TEF: variants seen among roughly 807,000 people sequenced by gnomAD.
TEF encodes thyrotroph embryonic factor.
In TEF, 3 loss-of-function variants were observed where a neutral mutation model predicts 20.8. That is an observed-to-expected ratio of 0.14 (90% CI 0.07 to 0.37). The LOEUF is 0.37. Ranked by LOEUF, TEF falls within the 10% of genes least tolerant of loss-of-function variation. The pLI, the probability that TEF is intolerant of heterozygous loss-of-function variation, is 1.00. For missense variants in TEF, 296 were observed against 397.9 expected, an observed-to-expected ratio of 0.74 and a Z score of 2.18; for synonymous variants, 180 against 171.1, an observed-to-expected ratio of 1.05 and a Z score of -0.41.
rs986879521 is a variant in TEF, at chr22:41,394,212, G to A, written c.592G>A (p.Gly198Arg). Residue 198 changes from glycine to arginine, a missense_variant, in exon 3 of 4, where the codon GGG (glycine) becomes AGG (arginine). By Grantham distance (125) the Gly-to-Arg change is moderately radical. Transcript: ENST00000266304. Reference sequence around the variant, plus strand: ...CCTGGTGCTCTCCAGTGTGCCAGGCGGGGAGCTCTTCAACCCTCGGAAGCA... The same window carrying A: ...CCTGGTGCTCTCCAGTGTGCCAGGCAGGGAGCTCTTCAACCCTCGGAAGCA... ...ADLVLSSVPG[G>R]ELFNPRKHKF... 4.3e-6 allele frequency: 7 copies of A among 1,614,176 alleles called. No homozygotes were observed. The highest frequency in any genetic ancestry group is 5.1e-6 in the Non-Finnish European group (6 of 1,180,034).
At chr22:41,369,189 A>T (rs1438542787) in intron 1 of TEF, 1 of 985,202 alleles carries the variant, frequency 1.0e-6, no homozygotes, top group Non-Finnish European at 1.2e-6. Context: ...AGGCCTTTGA[A>T]GTGTGGCAGC....
chr22:41,389,220 G>A (rs1008312383), intron 2 of TEF, among the ~76,000 whole-genome samples: 12 of 152,060 alleles, frequency 7.9e-5, no homozygotes, highest in Admixed American at 2.6e-4. Context: ...TTAACACGGT[G>A]AAACCCCATC....
At chr22:41,385,633 C>T (rs908936712) in intron 1 of TEF, among the ~76,000 whole-genome samples, 3 of 152,164 alleles carry the variant, frequency 2.0e-5, no homozygotes, top group Non-Finnish European at 2.9e-5. Context: ...CTCCATTTCC[C>T]TCCTTGTAGT....
intron 1 of TEF, among the ~76,000 whole-genome samples, chr22:41,372,754 G>C (rs1459005401): frequency 6.6e-6 from 1 of 152,046 alleles, no homozygotes; most frequent in Non-Finnish European, 1.5e-5. Flanking sequence ...GAGAGAATCT[G>C]CTGTGTTTAG....
At chr22:41,381,111 G>A (rs1448522781), upstream of TEF, among the ~76,000 whole-genome samples, 2 of 152,150 alleles carry the variant, frequency 1.3e-5, no homozygotes, top group African/African-American at 4.8e-5. Context: ...GGATGCGTGG[G>A]CAACCCGACA....
In TEF at chr22:41,396,011, T is replaced by TG; in HGVS notation, c.*56dup. The stretch of plus-strand genomic sequence containing the variant: ...ACTGCCTGCACCTCAGACCTCTGCC[T>TG]GGGGGCTCCCTGTAACCCCTCACAC... On this transcript the variant is annotated 3_prime_UTR_variant, in exon 4 of 4. Transcript: ENST00000266304. 1 of 1,571,916 alleles carries TG rather than the reference T, an allele frequency of 6.4e-7. No homozygotes were observed.
rs969196930 is a variant in TEF, at chr22:41,398,115, C to T, written c.*2155C>T. The T allele has an allele frequency of 3.3e-5, 5 of 151,016 alleles. No individual in the cohort carries two copies. In the East Asian group the frequency reaches 5.8e-4, roughly 18 times the overall value. 9.4% of individuals were successfully genotyped at this position (151,016 alleles called of 1,614,324 possible). A position where few individuals can be genotyped will look rare whatever the true frequency, so the allele number is the denominator to read the frequency against. Reference sequence around the variant, plus strand: ...AAGAGTGTGGCTGCTGGACTCTTTTCGAAATGCCCCTCTGAGTCAGGAGCC... The same window carrying T: ...AAGAGTGTGGCTGCTGGACTCTTTTTGAAATGCCCCTCTGAGTCAGGAGCC... On this transcript the variant is annotated 3_prime_UTR_variant, in exon 4 of 4. Transcript: ENST00000266304.
Position 41,381,979 on chromosome 22 carries a change from A to C in TEF, c.-66A>C. 1 of 1,227,670 alleles carries C rather than the reference A, an allele frequency of 8.1e-7. No individual in the cohort carries two copies. Among genetic ancestry groups the C allele is most frequent in the Non-Finnish European group, 1.0e-6 (1 of 985,716 alleles). 76.0% of individuals were successfully genotyped at this position (1,227,670 alleles called of 1,614,324 possible). A position where few individuals can be genotyped will look rare whatever the true frequency, so the allele number is the denominator to read the frequency against. On this transcript the variant is annotated 5_prime_UTR_variant, in exon 1 of 4. Coordinates refer to ENST00000266304, the MANE Select transcript of TEF (RefSeq NM_003216.4). ...CGTGTCGGCAGCTGCAGCGGGTCGC[A>C]CGGCTCCGGCCCATCTCGGGGGGCG...
upstream of TEF, among the ~76,000 whole-genome samples, chr22:41,379,862 C>A (rs1443476813): frequency 1.4e-5 from 2 of 144,706 alleles, no homozygotes. Flanking sequence ...CATTGCACTC[C>A]AGCCTGGGCA....
At chr22:41,380,793 C>A (rs1005144429), upstream of TEF, among the ~76,000 whole-genome samples, 1 of 152,134 alleles carries the variant, frequency 6.6e-6, no homozygotes, top group Admixed American at 6.5e-5. Flanking sequence ...CCCGGGGAGG[C>A]TTTATATTTT....
chr22:41,395,609 G>T (rs991406401), intron 3 of TEF, 136 bp from the exon 4 acceptor site: 3 of 838,694 alleles, frequency 3.6e-6, no homozygotes, highest in African/African-American at 3.4e-5. Context: ...CCTGGTTTGT[G>T]CTGCTCCCTC....
Position 41,397,538 on chromosome 22 carries a change from A to T in TEF, c.*1578A>T, listed in dbSNP as rs1182627182. The T allele has an allele frequency of 3.2e-5, 5 of 155,056 alleles. No homozygotes were observed. In the East Asian group the frequency reaches 9.4e-4, roughly 29 times the overall value. The allele number at this position is 155,056 out of a possible 1,614,324, so 9.6% of individuals were successfully genotyped here. A position where few individuals can be genotyped will look rare whatever the true frequency, so the allele number is the denominator to read the frequency against. Reference sequence around the variant, plus strand: ...CCCTGACCTCTAAAGACTTTTCATAACAGACGTTAAGACCAAGCCGTGGAC... The same window carrying T: ...CCCTGACCTCTAAAGACTTTTCATATCAGACGTTAAGACCAAGCCGTGGAC... On this transcript the variant is annotated 3_prime_UTR_variant, in exon 4 of 4. Coordinates refer to ENST00000266304, the MANE Select transcript of TEF (RefSeq NM_003216.4).
rs1296415773 is a variant in TEF, at chr22:41,391,576, A to T, written c.476-2520A>T. Among the ~76,000 whole-genome samples, 9 of 150,512 alleles carry T rather than the reference A, an allele frequency of 6.0e-5. 1 individual carries two copies. The highest frequency in any genetic ancestry group is 6.0e-4 in the Admixed American group (9 of 15,094). ...GGTGATCCACCCACCTCAGCCTCTCAAAGTGCCGGGATTACAGGCATGAGC... is the reference window on the plus strand; with the variant it reads ...GGTGATCCACCCACCTCAGCCTCTCTAAGTGCCGGGATTACAGGCATGAGC... On this transcript the variant is annotated intron_variant, in intron 2 of 3. Transcript: ENST00000266304.
chr22:41,391,415 T>TC (rs374477239), intron 2 of TEF, among the ~76,000 whole-genome samples: 4 of 151,352 alleles, frequency 2.6e-5, no homozygotes, highest in African/African-American at 9.7e-5. Flanking sequence ...GACCTCTGCC[T>TC]CCCGGGTTCA....
intron 2 of TEF, among the ~76,000 whole-genome samples, chr22:41,388,385 A>C (rs2037124991): frequency 1.3e-5 from 2 of 151,472 alleles, no homozygotes; most frequent in Admixed American, 1.3e-4. Flanking sequence ...TCCCGGATTG[A>C]AGCGATTTTT....
At chr22:41,387,028 G>A (rs2037106059) in intron 1 of TEF, among the ~76,000 whole-genome samples, 1 of 152,222 alleles carries the variant, frequency 6.6e-6, no homozygotes, top group East Asian at 1.9e-4. Flanking sequence ...TGGGCGACGA[G>A]CAAAATACTG....
intron 1 of TEF, among the ~76,000 whole-genome samples, chr22:41,371,535 A>C (rs1048593268): frequency 6.6e-6 from 1 of 152,336 alleles, no homozygotes; most frequent in South Asian, 2.1e-4. Flanking sequence ...GCGGAAAAGA[A>C]TATCTGTGCC....
chr22:41,374,223 T>G (rs560293308), intron 1 of TEF, among the ~76,000 whole-genome samples: 1 of 151,594 alleles, frequency 6.6e-6, no homozygotes, highest in Admixed American at 6.6e-5. Flanking sequence ...CTGAGCAACA[T>G]AGTGAGACCC....
intron 1 of TEF, 111 bp downstream of exon 1, chr22:41,382,312 G>C (rs1483230212): frequency 1.2e-5 from 12 of 962,312 alleles, no homozygotes; most frequent in African/African-American, 1.7e-5. Context: ...TGGTCCAGCG[G>C]AGGGGGATGG....
Sources: allele counts gnomAD v4.1 joint callset (sites outside exome capture counted in the v4.1 genomes callset), GRCh38; gene constraint gnomAD v4.1.1; transcripts MANE v1.5; gene names NCBI Gene and HGNC (gene_info 2026-07-23, HGNC 2026-07-21).